The following TLL1 variants were observed in gnomAD, a reference collection of about 807,000 sequenced individuals.
The protein encoded by TLL1 is tolloid like 1.
In TLL1, 49 loss-of-function variants were observed where a neutral mutation model predicts 128.2. The observed-to-expected ratio is 0.38, with a 90% CI of 0.30 to 0.48. TLL1 has a LOEUF of 0.48. Among genes scored for constraint, TLL1 ranks in the 20% least tolerant of loss-of-function variants. The pLI, the probability that TLL1 is intolerant of heterozygous loss-of-function variation, is 0.96. For synonymous variants in TLL1, 454 were observed against 418.8 expected (o/e 1.08, Z -1.03); for missense variants, 1,123 against 1,242.0 (o/e 0.90, Z 1.44).
At position 166,101,834 on chromosome 4, in the gene TLL1, A is replaced by G. The variant is rs1742301205; in HGVS notation, c.*958A>G. Reference sequence around the variant, plus strand: ...TTGTTGATGTTGTCATGGTTAATCTATTTTTTAAAATTGAAATGAAGCAGA... The same window carrying G: ...TTGTTGATGTTGTCATGGTTAATCTGTTTTTTAAAATTGAAATGAAGCAGA... On this transcript the variant is annotated 3_prime_UTR_variant, in exon 21 of 21. Transcript: ENST00000061240. The G allele has an allele frequency of 6.6e-6, 1 of 152,460 alleles. No individual in the cohort carries two copies. The highest frequency in any genetic ancestry group is 1.5e-5 in the Non-Finnish European group (1 of 67,962). 9.4% of individuals were successfully genotyped at this position (152,460 alleles called of 1,614,324 possible).
intron 9 of TLL1, among the ~76,000 whole-genome samples, chr4:166,032,017 C>T (rs891615129): frequency 1.9e-4 from 29 of 152,186 alleles, no homozygotes; most frequent in African/African-American, 5.8e-4. Flanking sequence ...ACTTATCTAA[C>T]GTCACACATG....
chr4:165,965,666 C>T (rs182349850), intron 1 of TLL1, among the ~76,000 whole-genome samples: 116 of 152,284 alleles, frequency 7.6e-4, no homozygotes, highest in Middle Eastern at 3.4e-3. Context: ...AGCATAGATA[C>T]GTATTCCTGC....
chr4:165,890,423 C>T (rs193126946), intron 1 of TLL1, among the ~76,000 whole-genome samples: 57 of 152,330 alleles, frequency 3.7e-4, no homozygotes, highest in African/African-American at 1.2e-3. Context: ...TCCCTTCTGC[C>T]TATCAGCCTG....
intron 9 of TLL1, among the ~76,000 whole-genome samples, chr4:166,026,569 C>T (rs532134087): frequency 6.6e-6 from 1 of 152,210 alleles, no homozygotes; most frequent in Admixed American, 6.5e-5. Flanking sequence ...TGCCTGTAAT[C>T]CCAGCTTCTC....
intron 1 of TLL1, among the ~76,000 whole-genome samples, chr4:165,935,972 G>C (rs1452236681): frequency 6.6e-6 from 1 of 151,142 alleles, no homozygotes; most frequent in Non-Finnish European, 1.5e-5. Context: ...AATCTCTTGA[G>C]TGGTGGTGTG....
chr4:165,925,238 G>C (rs776442136), intron 1 of TLL1, among the ~76,000 whole-genome samples: 2 of 152,206 alleles, frequency 1.3e-5, no homozygotes, highest in Admixed American at 6.5e-5. Flanking sequence ...ATTTGGGTCT[G>C]AGCAAAGTAA....
intron 15 of TLL1, among the ~76,000 whole-genome samples, chr4:166,060,874 G>T (rs1216606497): frequency 6.6e-6 from 1 of 152,158 alleles, no homozygotes; most frequent in Non-Finnish European, 1.5e-5. Context: ...TGTGTGATTG[G>T]TCAACACTGG....
At chr4:166,039,282 C>A in intron 9 of TLL1, 57 bp from the exon 10 acceptor site, 1 of 1,225,334 alleles carries the variant, frequency 8.2e-7, no homozygotes, top group Non-Finnish European at 1.2e-6. Context: ...GGAATCAAAT[C>A]ACTATATGTA....
At chr4:165,958,077 A>T (rs1248293479) in intron 1 of TLL1, among the ~76,000 whole-genome samples, 2 of 148,558 alleles carry the variant, frequency 1.3e-5, no homozygotes, top group South Asian at 4.3e-4. Flanking sequence ...TCCATGGTGT[A>T]TATGTGCCAC....
At chr4:166,054,513 C>T (rs2111109983) in intron 12 of TLL1, among the ~76,000 whole-genome samples, 1 of 151,774 alleles carries the variant, frequency 6.6e-6, no homozygotes, top group African/African-American at 2.4e-5. Flanking sequence ...GCGCTGCACC[C>T]ACTAACTCGT....
chr4:166,050,302 C>G (rs975716398), intron 12 of TLL1, among the ~76,000 whole-genome samples: 1 of 152,080 alleles, frequency 6.6e-6, no homozygotes, highest in African/African-American at 2.4e-5. Flanking sequence ...GAATAATATT[C>G]CATTGTATGT....
At chr4:165,882,682 G>A (rs978136254) in intron 1 of TLL1, among the ~76,000 whole-genome samples, 5 of 152,018 alleles carry the variant, frequency 3.3e-5, no homozygotes, top group Non-Finnish European at 7.4e-5. Flanking sequence ...GCAGTGGTGT[G>A]ATCTCAGCTC....
chr4:166,053,714 A>G (rs542616864), intron 12 of TLL1, among the ~76,000 whole-genome samples: 3 of 152,172 alleles, frequency 2.0e-5, no homozygotes, highest in Non-Finnish European at 4.4e-5. Flanking sequence ...ACATTCCCCG[A>G]TATTCCTTGA....
At chr4:166,026,939 C>T (rs556995756) in intron 9 of TLL1, among the ~76,000 whole-genome samples, 7 of 152,032 alleles carry the variant, frequency 4.6e-5, no homozygotes, top group African/African-American at 1.4e-4. Flanking sequence ...AGTTCTTATT[C>T]AAGAAGAAAT....
chr4:166,103,550 AT>A lies in TLL1; in HGVS notation c.*2677del, dbSNP rs949663356. ...GCTCTGCACAACTGAGAAATTAGGT[AT>A]TTAGAAGGCATATAGAGATGTTGTC... On this transcript the variant is annotated 3_prime_UTR_variant, in exon 21 of 21. Transcript: ENST00000061240. The A allele has an allele frequency of 4.3e-4, 66 of 151,954 alleles. No individual in the cohort carries two copies. The highest frequency in any genetic ancestry group is 1.6e-3 in the African/African-American group (66 of 41,510). The allele number at this position is 151,954 out of a possible 1,614,324, so 9.4% of individuals were successfully genotyped here. A position where few individuals can be genotyped will look rare whatever the true frequency, so the allele number is the denominator to read the frequency against.
At chr4:166,047,302 C>T (rs1482096407) in intron 12 of TLL1, among the ~76,000 whole-genome samples, 2 of 151,322 alleles carry the variant, frequency 1.3e-5, no homozygotes, top group Non-Finnish European at 2.9e-5. Flanking sequence ...GTAGCTGGGA[C>T]TACAGGCGTG....
chr4:166,064,106 AT>A (rs1363434962), intron 15 of TLL1, among the ~76,000 whole-genome samples: 1 of 152,144 alleles, frequency 6.6e-6, no homozygotes, highest in Non-Finnish European at 1.5e-5. Context: ...AAGTTTTATA[AT>A]GAGAAAGACT....
In TLL1 at chr4:165,974,136, T is replaced by TAG. The variant is rs1408272608; in HGVS notation, c.170-15245_170-15244insAG. Among the ~76,000 whole-genome samples, 76 of 104,996 alleles carry TAG rather than the reference T, an allele frequency of 7.2e-4. 1 individual carries two copies. The highest frequency in any genetic ancestry group is 3.6e-3 in the African/African-American group (70 of 19,662). 68.9% of individuals were successfully genotyped at this position (104,996 alleles called of 152,430 possible). On this transcript the variant is annotated intron_variant, in intron 1 of 20. Transcript: ENST00000061240. Reference sequence around the variant, plus strand: ...AGGATTAAGTCCTGGACCTCATCTTTTTTTTTTTTTTTTTTTTTTTTTGAG... The same window carrying TAG: ...AGGATTAAGTCCTGGACCTCATCTTTAGTTTTTTTTTTTTTTTTTTTTTTGAG...
At chr4:165,942,909 G>C (rs1248804761) in intron 1 of TLL1, among the ~76,000 whole-genome samples, 3 of 151,832 alleles carry the variant, frequency 2.0e-5, no homozygotes, top group East Asian at 3.9e-4. Context: ...TTTATCACTG[G>C]TCCTGGATCA....
Sources: allele counts gnomAD v4.1 joint callset (sites outside exome capture counted in the v4.1 genomes callset), GRCh38; gene constraint gnomAD v4.1.1; transcripts MANE v1.5; gene names NCBI Gene and HGNC (gene_info 2026-07-23, HGNC 2026-07-21).